The following ARPIN variants were observed in gnomAD, a reference collection of about 807,000 sequenced individuals.
ARPIN encodes the protein actin related protein 2/3 complex inhibitor.
Under a neutral mutation model 25.9 loss-of-function variants are expected in ARPIN, and 23 were observed. The ratio of observed to expected loss-of-function variants is 0.89; its 90% CI spans 0.64 to 1.26. The LOEUF is 1.26. Among genes scored for constraint, ARPIN ranks in the 50% most tolerant of loss-of-function variants. The pLI is 0.00. For synonymous variants in ARPIN, 126 were observed against 131.4 expected (o/e 0.96, Z 0.28); for missense variants, 333 against 312.2 (o/e 1.07, Z -0.50).
rs938487165 is a variant in ARPIN at position 89,900,453 on chromosome 15, A to G, written c.*1342T>C. 1 of 152,174 alleles carries G rather than the reference A, an allele frequency of 6.6e-6. No homozygotes were observed. Among genetic ancestry groups the G allele is most frequent in the African/African-American group, 2.4e-5 (1 of 41,426 alleles). The allele number at this position is 152,174 out of a possible 1,614,324, so 9.4% of individuals were successfully genotyped here. A position where few individuals can be genotyped will look rare whatever the true frequency, so the allele number is the denominator to read the frequency against. ...TTTGAAATCTGAGTGCTTGGATGTA[A>G]ATTCCTCTTGCCACTGTATACTATC... is the stretch of plus-strand genomic sequence containing the variant. On this transcript the variant is annotated 3_prime_UTR_variant, in exon 6 of 6. Coordinates refer to ENST00000357484, the MANE Select transcript of ARPIN (RefSeq NM_182616.4).
At chr15:89,908,511 G>C in intron 2 of ARPIN, 99 bp from the exon 3 acceptor site, 3 of 1,549,530 alleles carry the variant, frequency 1.9e-6, no homozygotes, top group Non-Finnish European at 2.6e-6. Context: ...ATCTACCCTA[G>C]AAGCCCACCT....
At position 89,899,083 on chromosome 15, in the gene ARPIN, CTTTT is replaced by C. The variant is rs774002777; in HGVS notation, c.*2708_*2711del. 5.2e-3 allele frequency: 621 copies of C among 119,374 alleles called. 1 individual carries two copies. The highest frequency in any genetic ancestry group is 8.6e-3 in the Non-Finnish European group (508 of 59,108). 7.4% of individuals were successfully genotyped at this position (119,374 alleles called of 1,614,324 possible). ...TACCTGCTGAGCCTGGGACCCTATT[CTTTT>C]TTTTTTTTTTTTTTTTGAGACAGGG... On this transcript the variant is annotated 3_prime_UTR_variant, in exon 6 of 6. Coordinates refer to ENST00000357484, the MANE Select transcript of ARPIN (RefSeq NM_182616.4).
Position 89,903,791 on chromosome 15 carries a change from T to G in ARPIN, c.494A>C (p.Asp165Ala). 1 of 1,614,112 alleles carries G rather than the reference T, an allele frequency of 6.2e-7. No homozygotes were observed. ...GCATTGCTCACCCAGGAAGGGACCA[T>G]CGCCCCGAGTCTTCAGCCGTACCCC... Reference protein sequence around the residue: ...GAGVRLKTRGDGPFLDSLAKL... With the variant: ...GAGVRLKTRGAGPFLDSLAKL... The change falls in exon 4 of 6, where the codon GAT becomes GCT. Residue 165 changes from aspartate to alanine, a missense_variant. Transcript: ENST00000357484.
rs1896966380 is a variant in ARPIN at position 89,898,554 on chromosome 15, C to G, written c.*3241G>C. On this transcript the variant is annotated 3_prime_UTR_variant, in exon 6 of 6. Coordinates refer to ENST00000357484, the MANE Select transcript of ARPIN (RefSeq NM_182616.4). ...CCTACAGAAATGTTTGAGTTTAACACTACGTTTGTTCCAACAAATTAGATC... is the reference window on the plus strand; with the variant it reads ...CCTACAGAAATGTTTGAGTTTAACAGTACGTTTGTTCCAACAAATTAGATC... 6.6e-6 allele frequency: 1 copy of G among 152,194 alleles called. No homozygotes were observed. Among genetic ancestry groups the G allele is most frequent in the Admixed American group, 6.5e-5 (1 of 15,272 alleles). The allele number at this position is 152,194 out of a possible 1,614,324, so 9.4% of individuals were successfully genotyped here. A position where few individuals can be genotyped will look rare whatever the true frequency, so the allele number is the denominator to read the frequency against.
Position 89,900,112 on chromosome 15 carries a change from C to T in ARPIN, c.*1683G>A, listed in dbSNP as rs145482382. On this transcript the variant is annotated 3_prime_UTR_variant, in exon 6 of 6. Coordinates refer to ENST00000357484, the MANE Select transcript of ARPIN (RefSeq NM_182616.4). ...ACCCCCAGTCAGTGTCCCCAGCTAT[C>T]CTTCTGCTCAACCACCTCCCTGGCC... is the stretch of plus-strand genomic sequence containing the variant. The T allele has an allele frequency of 1.3e-5, 2 of 152,514 alleles. No homozygotes were observed. The highest frequency in any genetic ancestry group is 2.9e-5 in the Non-Finnish European group (2 of 68,200). The allele number at this position is 152,514 out of a possible 1,614,324, so 9.4% of individuals were successfully genotyped here. A position where few individuals can be genotyped will look rare whatever the true frequency, so the allele number is the denominator to read the frequency against.
chr15:89,901,950 C>A, intron 5 of ARPIN, 147 bp from the exon 6 acceptor site: 1 of 781,256 alleles, frequency 1.3e-6, no homozygotes, highest in South Asian at 1.7e-5. Flanking sequence ...GCTGGCCCGG[C>A]AGCTCCAACA....
intron 1 of ARPIN, chr15:89,912,241 G>T: frequency 1.0e-6 from 1 of 988,422 alleles, no homozygotes; most frequent in Non-Finnish European, 1.2e-6. Flanking sequence ...GTTGTAAATG[G>T]AATGGTCCCT....
At position 89,900,257 on chromosome 15, in the gene ARPIN, C is replaced by A. The variant is rs1223632466; in HGVS notation, c.*1538G>T. 1 of 152,176 alleles carries A rather than the reference C, an allele frequency of 6.6e-6. No individual in the cohort carries two copies. The highest frequency in any genetic ancestry group is 1.5e-5 in the Non-Finnish European group (1 of 68,060). The allele number at this position is 152,176 out of a possible 1,614,324, so 9.4% of individuals were successfully genotyped here. ...CTGTTTCCAAGACCTTTCTGAAGGG[C>A]AAGGAAGCAGGGGACAGTGGAAGGA... is the stretch of plus-strand genomic sequence containing the variant. On this transcript the variant is annotated 3_prime_UTR_variant, in exon 6 of 6. Coordinates refer to ENST00000357484, the MANE Select transcript of ARPIN (RefSeq NM_182616.4).
intron 2 of ARPIN, 53 bp from the exon 3 acceptor site, chr15:89,908,465 C>A: frequency 1.2e-6 from 2 of 1,602,504 alleles, no homozygotes; most frequent in Non-Finnish European, 1.7e-6. Flanking sequence ...ACAACACACA[C>A]ACTCTGGGCT....
chr15:89,912,114 C>A, intron 1 of ARPIN: 1 of 848,000 alleles, frequency 1.2e-6, no homozygotes, highest in South Asian at 5.4e-5. Flanking sequence ...AACCACAGCG[C>A]CTGGTCTGTT....
In ARPIN at chr15:89,903,375, T is replaced by A; in HGVS notation, c.513A>T (p.Ser171=). 6.2e-7 allele frequency: 1 copy of A among 1,614,186 alleles called. No homozygotes were observed. The highest frequency in any genetic ancestry group is 8.5e-7 in the Non-Finnish European group (1 of 1,180,024). The change falls in exon 5 of 6, where the codon TCA becomes TCT. Residue 171 remains serine, a synonymous_variant. Coordinates refer to ENST00000357484, the MANE Select transcript of ARPIN (RefSeq NM_182616.4). The part of the protein sequence containing the change: ...KTRGDGPFLD[S]LAKLEAGTVT... ...CTGTTCCAGCCTCAAGTTTGGCCAA[T>A]GAATCTGAAAGAAGAGATGAAATTG...
intron 2 of ARPIN, 113 bp downstream of exon 2, chr15:89,910,631 C>T (rs1223506386): frequency 1.5e-6 from 2 of 1,323,826 alleles, no homozygotes; most frequent in Admixed American, 4.0e-5. Context: ...CTTTCTAAGC[C>T]CATCAAGAAT....
chr15:89,903,811 T>C lies in ARPIN; in HGVS notation c.474A>G (p.Val158=). ...EVMELELGAG[V]RLKTRGDGPF... ...GACCATCGCCCCGAGTCTTCAGCCG[T>C]ACCCCGGCCCCCAGCTCGAGTTCCA... Residue 158 remains valine, a synonymous_variant, in exon 4 of 6, where the codon GTA becomes GTG. Transcript: ENST00000357484. The C allele has an allele frequency of 6.2e-7, 1 of 1,614,176 alleles. No homozygotes were observed. The highest frequency in any genetic ancestry group is 8.5e-7 in the Non-Finnish European group (1 of 1,180,034).
At chr15:89,903,029 A>AG in intron 5 of ARPIN, 187 bp downstream of exon 5, 1 of 1,472,342 alleles carries the variant, frequency 6.8e-7, no homozygotes, top group Non-Finnish European at 9.0e-7. Flanking sequence ...GAAAGGTCCC[A>AG]GGTTGTCATT....
rs1227592172 is a variant in ARPIN at position 89,901,505 on chromosome 15, C to A, written c.*290G>T. 4 of 455,752 alleles carry A rather than the reference C, an allele frequency of 8.8e-6. No individual in the cohort carries two copies. Among genetic ancestry groups the A allele is most frequent in the Non-Finnish European group, 1.2e-5 (3 of 252,532 alleles). The allele number at this position is 455,752 out of a possible 1,614,324, so 28.2% of individuals were successfully genotyped here. A position where few individuals can be genotyped will look rare whatever the true frequency, so the allele number is the denominator to read the frequency against. On this transcript the variant is annotated 3_prime_UTR_variant, in exon 6 of 6. Coordinates refer to ENST00000357484, the MANE Select transcript of ARPIN (RefSeq NM_182616.4). ...ATCAGCCTGGGCAACATAGTGAGAC[C>A]TCCATCTCTAATTTTTTTTTAAAGG...
At position 89,899,630 on chromosome 15, in the gene ARPIN, CTT is replaced by C. The variant is rs1454779768; in HGVS notation, c.*2163_*2164del. 1 of 151,680 alleles carries C rather than the reference CTT, an allele frequency of 6.6e-6. No individual in the cohort carries two copies. 9.4% of individuals were successfully genotyped at this position (151,680 alleles called of 1,614,324 possible). A position where few individuals can be genotyped will look rare whatever the true frequency, so the allele number is the denominator to read the frequency against. On this transcript the variant is annotated 3_prime_UTR_variant, in exon 6 of 6. Transcript: ENST00000357484. ...CCCCGAATGCCCCTCAAATCATTCT[CTT>C]CTTTCCATCTCCCCTGCCACTGCTA...
At position 89,896,351 on chromosome 15, in the gene ARPIN, T is replaced by TA. The variant is rs1308591732; in HGVS notation, c.*5443dup. 1 of 152,214 alleles carries TA rather than the reference T, an allele frequency of 6.6e-6. No homozygotes were observed. The allele number at this position is 152,214 out of a possible 1,614,324, so 9.4% of individuals were successfully genotyped here. ...AAACCTACTTTGATGGTTCAAATTGTAATTATAGGAAGAATAACTGAAATA... is the reference window on the plus strand; with the variant it reads ...AAACCTACTTTGATGGTTCAAATTGTAAATTATAGGAAGAATAACTGAAATA... On this transcript the variant is annotated 3_prime_UTR_variant, in exon 6 of 6. Transcript: ENST00000357484.
intron 2 of ARPIN, among the ~76,000 whole-genome samples, chr15:89,908,695 T>C (rs999409923): frequency 2.0e-5 from 3 of 151,986 alleles, no homozygotes; most frequent in East Asian, 1.9e-4. Flanking sequence ...TAGAAAACCA[T>C]AACTTGGGCT....
chr15:89,911,832 T>A (rs1012444675), intron 1 of ARPIN, among the ~76,000 whole-genome samples: 2 of 150,220 alleles, frequency 1.3e-5, no homozygotes, highest in African/African-American at 4.9e-5. Flanking sequence ...ACTGTTCTAC[T>A]GTTTCTTTTC....
Sources: gnomAD v4.1 joint callset for allele counts (sites outside exome capture counted in the v4.1 genomes callset) on GRCh38, gnomAD v4.1.1 for gene constraint, MANE v1.5 for transcripts, NCBI Gene and HGNC (gene_info 2026-07-23, HGNC 2026-07-21) for gene names.